DNAAF6: variants seen among roughly 807,000 people sequenced by gnomAD.
DNAAF6 encodes PIH1 domain containing 3.
DNAAF6 carries 3 observed loss-of-function variants against 13.7 expected under a neutral mutation model. The observed-to-expected ratio is 0.22, with a 90% CI of 0.10 to 0.56. The LOEUF (loss-of-function observed/expected upper bound fraction) is 0.56, where lower values mean the gene tolerates loss of function less well. Among genes scored for constraint, DNAAF6 ranks in the 20% least tolerant of loss-of-function variants. The pLI is 0.92. For synonymous variants in DNAAF6, 54 were observed against 49.2 expected (o/e 1.10, Z -0.41); for missense variants, 130 against 151.0 (o/e 0.86, Z 0.73).
intron 4 of DNAAF6, among the ~76,000 whole-genome samples, chrX:107,221,932 A>ATAATAATAG (rs1288516281): frequency 9.2e-6 from 1 of 108,154 alleles, no homozygotes; most frequent in African/African-American, 3.3e-5. Flanking sequence ...AATAATAATA[A>ATAATAATAG]TAATAATAAT....
chrX:107,242,303 T>A (rs1019396670), intron 6 of DNAAF6, among the ~76,000 whole-genome samples: 1 of 112,239 alleles, frequency 8.9e-6, no homozygotes, highest in Non-Finnish European at 1.9e-5. Flanking sequence ...TGTTTTCAAA[T>A]ACATACTAGT....
At chrX:107,224,008 G>A (rs1184040072) in intron 5 of DNAAF6, among the ~76,000 whole-genome samples, 1 of 111,265 alleles carries the variant, frequency 9.0e-6, no homozygotes, top group Non-Finnish European at 1.9e-5. Context: ...ACTGTTGCAA[G>A]CCTTACAGTT....
chrX:107,234,734 T>G (rs180814531), intron 5 of DNAAF6, among the ~76,000 whole-genome samples: 31 of 111,793 alleles, frequency 2.8e-4, no homozygotes, highest in Admixed American at 2.5e-3. Context: ...GCTGGTCAAG[T>G]TACATATATT....
chrX:107,227,342 G>A (rs775141800), intron 5 of DNAAF6, among the ~76,000 whole-genome samples: 2 of 111,764 alleles, frequency 1.8e-5, no homozygotes, highest in South Asian at 7.6e-4. Flanking sequence ...TCCACCTGTC[G>A]GCCTCCCAAA....
At position 107,233,572 on chromosome X, in the gene DNAAF6, G is replaced by A. The variant is rs929597164; in HGVS notation, c.430-5350G>A. Among the ~76,000 whole-genome samples, 3 of 110,887 alleles carry A rather than the reference G, an allele frequency of 2.7e-5. No homozygotes were observed. In the Admixed American group the frequency reaches 2.9e-4, roughly 11 times the overall value. ...TTTTTTAGGTTCCACATTTAAGAGA[G>A]ATCATGCCGTATTTTTCTTTCTGTG... is the stretch of plus-strand genomic sequence containing the variant. On this transcript the variant is annotated intron_variant, in intron 5 of 6. Coordinates refer to ENST00000372453, the MANE Select transcript of DNAAF6 (RefSeq NM_173494.2).
At chrX:107,227,787 A>G (rs1315231463) in intron 5 of DNAAF6, among the ~76,000 whole-genome samples, 1 of 111,234 alleles carries the variant, frequency 9.0e-6, no homozygotes, top group East Asian at 2.8e-4. Flanking sequence ...TGATTATGGA[A>G]GTAATATATA....
chrX:107,221,307 C>G (rs959401741), intron 4 of DNAAF6, among the ~76,000 whole-genome samples: 2 of 109,711 alleles, frequency 1.8e-5, no homozygotes, highest in African/African-American at 6.6e-5. Flanking sequence ...AACCACCGCC[C>G]CCCCGGCCCC....
chrX:107,242,987 A>G (rs1928655206), intron 6 of DNAAF6, among the ~76,000 whole-genome samples, 182 bp from the exon 7 acceptor site: 1 of 111,251 alleles, frequency 9.0e-6, no homozygotes, highest in Non-Finnish European at 1.9e-5. Context: ...TTTTAAGTCC[A>G]GAAAAACTGG....
chrX:107,211,736 T>C (rs2147825925), intron 1 of DNAAF6, among the ~76,000 whole-genome samples: 1 of 112,048 alleles, frequency 8.9e-6, no homozygotes, highest in South Asian at 3.7e-4. Context: ...TTCTTTTGAA[T>C]ATCCTCAAAG....
intron 5 of DNAAF6, among the ~76,000 whole-genome samples, chrX:107,225,327 T>C (rs1286407741): frequency 9.0e-6 from 1 of 111,415 alleles, no homozygotes; most frequent in Non-Finnish European, 1.9e-5. Context: ...TATATGCTTA[T>C]CATTCTTCTT....
chrX:107,217,902 A>G (rs1038556576), intron 3 of DNAAF6, among the ~76,000 whole-genome samples: 1 of 112,397 alleles, frequency 8.9e-6, no homozygotes, highest in Non-Finnish European at 1.9e-5. Context: ...TTCACATTTC[A>G]TGTATTTCTG....
intron 5 of DNAAF6, among the ~76,000 whole-genome samples, chrX:107,224,649 TG>T (rs1405764994): frequency 9.1e-6 from 1 of 110,270 alleles, no homozygotes; most frequent in Non-Finnish European, 1.9e-5. Flanking sequence ...AATGTGGGGA[TG>T]GTTAATGGGT....
intron 6 of DNAAF6, among the ~76,000 whole-genome samples, chrX:107,241,550 C>T (rs1413200782): frequency 8.9e-6 from 1 of 111,876 alleles, no homozygotes; most frequent in Non-Finnish European, 1.9e-5. Context: ...AAGTCTTCCA[C>T]TAGACACTAA....
chrX:107,220,959 T>C (rs918309311), intron 4 of DNAAF6, among the ~76,000 whole-genome samples: 23 of 60,027 alleles, frequency 3.8e-4, no homozygotes, highest in African/African-American at 1.4e-3. Flanking sequence ...TTCTTTCTTT[T>C]TCTTTCTTTC....
At chrX:107,236,643 T>C (rs1928521630) in intron 5 of DNAAF6, among the ~76,000 whole-genome samples, 1 of 112,221 alleles carries the variant, frequency 8.9e-6, no homozygotes, top group Non-Finnish European at 1.9e-5. Context: ...GAGTTGTTTC[T>C]GAATTGCCCT....
intron 6 of DNAAF6, among the ~76,000 whole-genome samples, chrX:107,242,966 A>G (rs1928654823): frequency 9.0e-6 from 1 of 110,862 alleles, no homozygotes; most frequent in Non-Finnish European, 1.9e-5. Flanking sequence ...CGCCAAAACA[A>G]CTGCTTGGAT....
At chrX:107,208,984 T>C (rs901249450) in intron 1 of DNAAF6, among the ~76,000 whole-genome samples, 5 of 112,262 alleles carry the variant, frequency 4.5e-5, no homozygotes, top group African/African-American at 6.5e-5. Context: ...CATAGTTACT[T>C]ATGAGTTAGT....
intron 5 of DNAAF6, among the ~76,000 whole-genome samples, chrX:107,225,000 A>G (rs1371391911): frequency 9.2e-6 from 1 of 108,251 alleles, no homozygotes; most frequent in Non-Finnish European, 1.9e-5. Flanking sequence ...CAAGTGGATA[A>G]TATTACTACA....
chrX:107,232,169 T>C (rs1272063060), intron 5 of DNAAF6, among the ~76,000 whole-genome samples: 17 of 112,293 alleles, frequency 1.5e-4, no homozygotes, highest in African/African-American at 5.2e-4. Flanking sequence ...GATGGATAAA[T>C]TTTGATAATG....
Sources: allele counts gnomAD v4.1 joint callset (sites outside exome capture counted in the v4.1 genomes callset), GRCh38; gene constraint gnomAD v4.1.1; transcripts MANE v1.5; gene names NCBI Gene and HGNC (gene_info 2026-07-23, HGNC 2026-07-21).